BLK: variants seen among roughly 807,000 people sequenced by gnomAD.
BLK encodes the protein BLK proto-oncogene, Src family tyrosine kinase.
A neutral mutation model predicts 61.8 loss-of-function variants in BLK; 64 were observed. That is an observed-to-expected ratio of 1.03 (90% CI 0.85 to 1.27). The LOEUF is 1.27. BLK is among the 50% of genes most tolerant of loss of function. BLK has a pLI of 0.00. For synonymous variants in BLK, 351 were observed against 272.0 expected, an observed-to-expected ratio of 1.29 and a Z score of -2.86; for missense variants, 853 against 660.5, an observed-to-expected ratio of 1.29 and a Z score of -3.19.
intron 6 of BLK, among the ~76,000 whole-genome samples, chr8:11,551,555 T>C (rs2117508605): frequency 6.6e-6 from 1 of 152,316 alleles, no homozygotes; most frequent in Non-Finnish European, 1.5e-5. Context: ...GGAGCGCACA[T>C]GATTCAACCA....
chr8:11,535,907 G>T (rs113402001), intron 1 of BLK, among the ~76,000 whole-genome samples: 2,718 of 152,298 alleles, frequency 0.018, 82 homozygotes, highest in African/African-American at 0.062. Flanking sequence ...CCAAAATGGA[G>T]AACATTCTAT....
At chr8:11,559,106 TCCCCACTACACC>T (rs1438104769) in intron 10 of BLK, 4 of 426,092 alleles carry the variant, frequency 9.4e-6, no homozygotes, top group Non-Finnish European at 1.9e-5. Context: ...TCCTATTCAA[TCCCCACTACACC>T]CCCTTGGGAA....
intron 8 of BLK, 183 bp downstream of exon 8, chr8:11,555,667 C>G: frequency 3.2e-6 from 3 of 931,326 alleles, no homozygotes; most frequent in Non-Finnish European, 4.9e-6. Context: ...CGCGTTGTAA[C>G]AGCTGGGACC....
At chr8:11,546,961 C>T (rs1252182511) in intron 3 of BLK, among the ~76,000 whole-genome samples, 1 of 152,236 alleles carries the variant, frequency 6.6e-6, no homozygotes, top group East Asian at 1.9e-4. Flanking sequence ...AGGCTCCACC[C>T]CTGGGGACTC....
chr8:11,535,016 A>G (rs1296542594), intron 1 of BLK, among the ~76,000 whole-genome samples: 1 of 151,948 alleles, frequency 6.6e-6, no homozygotes, highest in East Asian at 1.9e-4. Context: ...TCTACATAAA[A>G]TTGTTTAAAA....
chr8:11,558,608 C>T lies in BLK; in HGVS notation c.1029+570C>T. The T allele has an allele frequency of 2.4e-5, 11 of 454,410 alleles. No individual in the cohort carries two copies. The Middle Eastern group carries it at 4.7e-3, about 193-fold the overall frequency. The allele number at this position is 454,410 out of a possible 1,614,324, so 28.1% of individuals were successfully genotyped here. A position where few individuals can be genotyped will look rare whatever the true frequency, so the allele number is the denominator to read the frequency against. ...CACCAGGGAATTGCGAGTGCTGGAC[C>T]TCCTTGGCTACCCAGGACTGGTCCT... is the stretch of plus-strand genomic sequence containing the variant. On this transcript the variant is annotated intron_variant, in intron 10 of 12. Coordinates refer to ENST00000259089, the MANE Select transcript of BLK (RefSeq NM_001715.3).
chr8:11,540,075 GC>G (rs1372473090), intron 1 of BLK, among the ~76,000 whole-genome samples: 11 of 151,790 alleles, frequency 7.2e-5, no homozygotes, highest in Non-Finnish European at 1.2e-4. Flanking sequence ...TTCTCTCTTC[GC>G]TTCTGGGTAT....
intron 1 of BLK, among the ~76,000 whole-genome samples, chr8:11,521,424 G>A (rs1360408536): frequency 6.6e-6 from 1 of 152,122 alleles, no homozygotes; most frequent in East Asian, 1.9e-4. Context: ...CCGAGTAGCT[G>A]GGACTACAGG....
chr8:11,542,834 G>A (rs1260371702), intron 1 of BLK, among the ~76,000 whole-genome samples: 1 of 152,152 alleles, frequency 6.6e-6, no homozygotes, highest in African/African-American at 2.4e-5. Context: ...ACTTTCCCAA[G>A]TGACACAGCC....
intron 2 of BLK, among the ~76,000 whole-genome samples, chr8:11,544,269 G>C (rs1800518931): frequency 6.6e-6 from 1 of 152,162 alleles, no homozygotes; most frequent in African/African-American, 2.4e-5. Context: ...CGGGCCTGAA[G>C]ATACATTTTT....
intron 1 of BLK, among the ~76,000 whole-genome samples, chr8:11,537,257 G>T (rs1243507054): frequency 6.6e-6 from 1 of 152,142 alleles, no homozygotes; most frequent in Non-Finnish European, 1.5e-5. Flanking sequence ...AGCATTGGTG[G>T]TTTGTACTGG....
chr8:11,555,176 G>A (rs1409972068), intron 7 of BLK, among the ~76,000 whole-genome samples, 156 bp from the exon 8 acceptor site: 2 of 152,172 alleles, frequency 1.3e-5, no homozygotes, highest in East Asian at 3.9e-4. Flanking sequence ...CGAAGAGAAA[G>A]AGTTGAGTGT....
At chr8:11,555,054 G>T (rs937936117) in intron 7 of BLK, among the ~76,000 whole-genome samples, 165 bp downstream of exon 7, 6 of 152,194 alleles carry the variant, frequency 3.9e-5, no homozygotes, top group Non-Finnish European at 8.8e-5. Flanking sequence ...GGAATTGGTG[G>T]CCCTAATTCC....
chr8:11,521,393 C>T (rs1719813525), intron 1 of BLK, among the ~76,000 whole-genome samples: 1 of 152,202 alleles, frequency 6.6e-6, no homozygotes, highest in Admixed American at 6.5e-5. Flanking sequence ...CAGGCTCAAG[C>T]AATCCTCCCA....
chr8:11,538,893 T>G (rs1431810435), intron 1 of BLK, among the ~76,000 whole-genome samples: 1 of 152,170 alleles, frequency 6.6e-6, no homozygotes, highest in African/African-American at 2.4e-5. Flanking sequence ...ACTCAAATCC[T>G]CCTTTTATTT....
chr8:11,504,377 A>AAG (rs1486169029), intron 1 of BLK, among the ~76,000 whole-genome samples: 2 of 60,592 alleles, frequency 3.3e-5, no homozygotes, highest in South Asian at 4.4e-4. Context: ...GAAAGAAAAG[A>AAG]AAAGAAAAGA....
chr8:11,545,799 A>G (rs1273232526), intron 2 of BLK: 1 of 547,562 alleles, frequency 1.8e-6, no homozygotes, highest in Non-Finnish European at 3.3e-6. Flanking sequence ...CATTGTCCAC[A>G]GCTGTCTCAT....
chr8:11,500,548 C>T (rs986367885), intron 1 of BLK, among the ~76,000 whole-genome samples: 1 of 151,724 alleles, frequency 6.6e-6, no homozygotes, highest in African/African-American at 2.4e-5. Context: ...TAGGGTCTCG[C>T]TCTGCCTCCC....
chr8:11,495,358 G>C (rs190607811), intron 1 of BLK, among the ~76,000 whole-genome samples: 2 of 152,252 alleles, frequency 1.3e-5, no homozygotes, highest in Non-Finnish European at 2.9e-5. Flanking sequence ...CTCCTCCCTC[G>C]GGAGAGTGGG....
Sources: gnomAD v4.1 joint callset for allele counts (sites outside exome capture counted in the v4.1 genomes callset) on GRCh38, gnomAD v4.1.1 for gene constraint, MANE v1.5 for transcripts, NCBI Gene and HGNC (gene_info 2026-07-23, HGNC 2026-07-21) for gene names.